SMAP2: variants seen among roughly 807,000 people sequenced by gnomAD.
SMAP2 encodes the protein small ArfGAP2.
Under a neutral mutation model 56.4 loss-of-function variants are expected in SMAP2, and 25 were observed. The ratio of observed to expected loss-of-function variants is 0.44; its 90% CI spans 0.32 to 0.62. The LOEUF is 0.62. Ranked by LOEUF, SMAP2 falls within the 20% of genes least tolerant of loss-of-function variation. The probability of loss-of-function intolerance (pLI) is 0.04; values close to 1 mark genes in which losing one functional copy is unlikely to be tolerated. For missense variants in SMAP2, 388 were observed against 545.6 expected (o/e 0.71, Z 2.88); for synonymous variants, 157 against 181.7 (o/e 0.86, Z 1.09).
intron 8 of SMAP2, 150 bp from the exon 9 acceptor site, chr1:40,416,630 G>C (rs747593185): frequency 1.1e-6 from 1 of 879,070 alleles, no homozygotes; most frequent in Non-Finnish European, 1.7e-6. Flanking sequence ...AGCAGGCCTC[G>C]TAGGGACTCT....
At chr1:40,409,713 G>A in intron 3 of SMAP2, 44 bp from the exon 4 acceptor site, 1 of 1,311,234 alleles carries the variant, frequency 7.6e-7, no homozygotes, top group South Asian at 1.2e-5. Context: ...TCTTCTTGCT[G>A]TTTGAGAGGC....
chr1:40,412,977 C>T, intron 4 of SMAP2, 39 bp from the exon 5 acceptor site: 1 of 1,470,748 alleles, frequency 6.8e-7, no homozygotes, highest in Non-Finnish European at 9.4e-7. Context: ...TATTAGTCAC[C>T]TTGGGCCCTG....
chr1:40,401,748 T>C (rs1010038087), intron 1 of SMAP2, among the ~76,000 whole-genome samples: 1 of 152,198 alleles, frequency 6.6e-6, no homozygotes. Context: ...ATTACGTATA[T>C]GCTTTTCATT....
At chr1:40,346,364 A>G (rs1644385944) in intron 1 of SMAP2, among the ~76,000 whole-genome samples, 1 of 152,088 alleles carries the variant, frequency 6.6e-6, no homozygotes, top group Non-Finnish European at 1.5e-5. Context: ...GTTCTCAAAG[A>G]CAAGAATAGG....
intron 1 of SMAP2, among the ~76,000 whole-genome samples, chr1:40,401,583 G>A (rs1260877919): frequency 6.6e-6 from 1 of 152,054 alleles, no homozygotes; most frequent in East Asian, 1.9e-4. Context: ...CCTCCATCAC[G>A]CTAGTTCCCC....
At chr1:40,418,209 T>C (rs2935891) in intron 9 of SMAP2, among the ~76,000 whole-genome samples, 142 of 152,238 alleles carry the variant, frequency 9.3e-4, no homozygotes, top group African/African-American at 3.4e-3. Context: ...GAAAGTTTAC[T>C]AAACTCAGAA....
chr1:40,405,359 C>A (rs1009873503), intron 1 of SMAP2, among the ~76,000 whole-genome samples: 2 of 152,114 alleles, frequency 1.3e-5, no homozygotes, highest in Non-Finnish European at 2.9e-5. Flanking sequence ...CAGGGTGGCA[C>A]ACGCCTATAG....
At chr1:40,365,527 C>T (rs1026889780) in intron 2 of SMAP2, among the ~76,000 whole-genome samples, 28 of 151,974 alleles carry the variant, frequency 1.8e-4, no homozygotes, top group Non-Finnish European at 2.9e-4. Context: ...TGGATACATT[C>T]GGGGAGGAGC....
chr1:40,374,183 G>A lies in SMAP2; in HGVS notation c.63G>A (p.Leu21=), dbSNP rs780944791. 1 of 1,613,768 alleles carries A rather than the reference G, an allele frequency of 6.2e-7. No homozygotes were observed. Among genetic ancestry groups the A allele is most frequent in the Non-Finnish European group, 8.5e-7 (1 of 1,179,834 alleles). Residue 21 remains leucine, a synonymous_variant, in exon 1 of 10, where the codon CTG becomes CTA. Coordinates refer to ENST00000372718, the MANE Select transcript of SMAP2 (RefSeq NM_022733.3). This position sits in a 1 kb window ranked among gnomAD's most constrained non-coding sequence, Gnocchi z 5.9. The stretch of plus-strand genomic sequence containing the variant: ...AGGCTGTCCTGGCCAACCTGCTGCT[G>A]GAGGAGGATAACAAGTTTTGTGCAG... ...RYQAVLANLL[L]EEDNKFCADC...
chr1:40,418,558 T>C (rs527340325), intron 9 of SMAP2, among the ~76,000 whole-genome samples: 2 of 152,294 alleles, frequency 1.3e-5, no homozygotes, highest in Middle Eastern at 6.8e-3. Context: ...CTGGGAAAAT[T>C]GACCCAGAAC....
chr1:40,384,057 C>A (rs1644629564), intron 1 of SMAP2, among the ~76,000 whole-genome samples: 1 of 152,018 alleles, frequency 6.6e-6, no homozygotes, highest in Non-Finnish European at 1.5e-5. Flanking sequence ...CCTCCATGCC[C>A]AGCTAATTAT....
At chr1:40,394,010 ATCTT>A (rs2124286495) in intron 1 of SMAP2, among the ~76,000 whole-genome samples, 1 of 152,292 alleles carries the variant, frequency 6.6e-6, no homozygotes, top group Admixed American at 6.5e-5. Flanking sequence ...AAGGAAATCT[ATCTT>A]CTCCAGGAGT....
intron 4 of SMAP2, among the ~76,000 whole-genome samples, chr1:40,410,982 T>C (rs747022683): frequency 6.6e-6 from 1 of 152,184 alleles, no homozygotes; most frequent in African/African-American, 2.4e-5. Flanking sequence ...GTAATAATGA[T>C]ATAATAGCCA....
chr1:40,414,828 A>G (rs1230072824), intron 6 of SMAP2, among the ~76,000 whole-genome samples: 4 of 152,192 alleles, frequency 2.6e-5, no homozygotes, highest in Admixed American at 1.3e-4. Flanking sequence ...CTGCCCTTTC[A>G]GAAAGAAAGC....
At chr1:40,421,095 T>C (rs2124387385) in intron 9 of SMAP2, among the ~76,000 whole-genome samples, 1 of 152,202 alleles carries the variant, frequency 6.6e-6, no homozygotes, top group East Asian at 1.9e-4. Flanking sequence ...GTAAGTTTTT[T>C]TATAGGGAGG....
chr1:40,376,816 G>T lies in SMAP2; in HGVS notation c.103+2593G>T, dbSNP rs115781431. Among the ~76,000 whole-genome samples the T allele has an allele frequency of 2.2e-3, 337 of 152,318 alleles. 1 individual carries two copies. The Middle Eastern group carries it at 0.034, about 15-fold the overall frequency. ...GGAAGTTAACTGTACAGGATATGGT[G>T]AGTGATTGCTCATCTATTAATATCC... On this transcript the variant is annotated intron_variant, in intron 1 of 9. Coordinates refer to ENST00000372718, the MANE Select transcript of SMAP2 (RefSeq NM_022733.3).
At chr1:40,347,228 T>TTGTG (rs199511902) in intron 1 of SMAP2, among the ~76,000 whole-genome samples, 10 of 106,868 alleles carry the variant, frequency 9.4e-5, no homozygotes, top group African/African-American at 3.6e-4. Flanking sequence ...GTGTGTGTGT[T>TTGTG]TGTGTGTGTG....
intron 1 of SMAP2, among the ~76,000 whole-genome samples, chr1:40,404,969 G>A (rs1280770712): frequency 3.3e-5 from 5 of 152,102 alleles, no homozygotes; most frequent in South Asian, 4.1e-4. Flanking sequence ...AAGGTAAATC[G>A]GAGCTTGTGA....
intron 6 of SMAP2, among the ~76,000 whole-genome samples, chr1:40,414,458 G>T (rs1255093460): frequency 1.3e-5 from 2 of 152,232 alleles, no homozygotes; most frequent in Admixed American, 6.5e-5. Flanking sequence ...GTGGTTAAGA[G>T]CATGGCCTTT....
Sources: allele counts gnomAD v4.1 joint callset (sites outside exome capture counted in the v4.1 genomes callset), GRCh38; gene constraint gnomAD v4.1.1; non-coding constraint Gnocchi (gnomAD v3.1); transcripts MANE v1.5; gene names NCBI Gene and HGNC (gene_info 2026-07-23, HGNC 2026-07-21).